Variants in PDGFD observed in about 807,000 individuals in gnomAD.
The protein encoded by PDGFD is platelet derived growth factor D.
In PDGFD, 30 loss-of-function variants were observed where a neutral mutation model predicts 44.7. The observed-to-expected ratio is 0.67, with a 90% confidence interval of 0.50 to 0.91. The LOEUF (loss-of-function observed/expected upper bound fraction) is 0.91, where lower values mean the gene tolerates loss of function less well. Among genes scored for constraint, PDGFD ranks in the 40% least tolerant of loss-of-function variants. The probability of loss-of-function intolerance (pLI) is 0.00; values close to 1 mark genes in which losing one functional copy is unlikely to be tolerated. For missense variants in PDGFD, 445 were observed against 457.8 expected, an observed-to-expected ratio of 0.97 and a Z score of 0.25; for synonymous variants, 173 against 168.4, an observed-to-expected ratio of 1.03 and a Z score of -0.21.
At chr11:103,926,850 G>A in intron 6 of PDGFD, 62 bp downstream of exon 6, 3 of 1,498,286 alleles carry the variant, frequency 2.0e-6, no homozygotes, top group Non-Finnish European at 2.7e-6. Flanking sequence ...TGTATGCAAT[G>A]GCCCTGTCTT....
chr11:103,925,549 G>A lies in PDGFD; in HGVS notation c.987+1363C>T, dbSNP rs576235173. On this transcript the variant is annotated intron_variant, in intron 6 of 6. Transcript: ENST00000393158. ...TCCTATTTAAATATGTGAAAACTGA[G>A]TCAAAACTTTAGTGACTTGCATGTG... Among the ~76,000 whole-genome samples the A allele has an allele frequency of 1.2e-4, 18 of 151,530 alleles. 1 individual carries two copies. The South Asian group carries it at 3.3e-3, about 28-fold the overall frequency.
At chr11:103,974,997 T>G (rs1220834667) in intron 3 of PDGFD, among the ~76,000 whole-genome samples, 4 of 152,226 alleles carry the variant, frequency 2.6e-5, no homozygotes, top group Non-Finnish European at 5.9e-5. Context: ...TTATAATTCT[T>G]TGGGTATATA....
chr11:103,993,334 C>T (rs1316777960), intron 3 of PDGFD, among the ~76,000 whole-genome samples: 1 of 151,782 alleles, frequency 6.6e-6, no homozygotes, highest in Non-Finnish European at 1.5e-5. Context: ...GCCTCGGCCT[C>T]CCAAAATGCT....
At chr11:104,108,453 C>T (rs1342697166) in intron 1 of PDGFD, among the ~76,000 whole-genome samples, 3 of 152,084 alleles carry the variant, frequency 2.0e-5, no homozygotes, top group African/African-American at 7.2e-5. Flanking sequence ...TGAAAAAATG[C>T]TCATCATCAC....
chr11:104,024,935 TATC>T (rs1046053884), intron 1 of PDGFD, among the ~76,000 whole-genome samples: 1 of 152,226 alleles, frequency 6.6e-6, no homozygotes, highest in African/African-American at 2.4e-5. Context: ...TTTAACTGAA[TATC>T]ATAAGTGATT....
chr11:104,151,495 T>C (rs933119688), intron 1 of PDGFD, among the ~76,000 whole-genome samples: 2 of 152,176 alleles, frequency 1.3e-5, no homozygotes, highest in East Asian at 1.9e-4. Context: ...GTGGAAAATA[T>C]GAGACTTCGT....
intron 3 of PDGFD, among the ~76,000 whole-genome samples, chr11:103,963,696 A>G (rs1214231969): frequency 6.6e-6 from 1 of 152,202 alleles, no homozygotes; most frequent in East Asian, 1.9e-4. Flanking sequence ...CTATATATCT[A>G]AAGTACTGTT....
chr11:104,129,219 T>C (rs75512216), intron 1 of PDGFD, among the ~76,000 whole-genome samples: 2 of 109,712 alleles, frequency 1.8e-5, no homozygotes, highest in African/African-American at 7.2e-5. Context: ...TGTCATCATC[T>C]TTTTTTTTTT....
intron 1 of PDGFD, among the ~76,000 whole-genome samples, chr11:104,028,547 G>T (rs1201516762): frequency 2.0e-5 from 3 of 150,406 alleles, no homozygotes; most frequent in African/African-American, 7.4e-5. Flanking sequence ...TATCAGAAAC[G>T]TCAACTACAG....
At chr11:104,136,583 A>AT (rs1181451881) in intron 1 of PDGFD, among the ~76,000 whole-genome samples, 3 of 152,170 alleles carry the variant, frequency 2.0e-5, no homozygotes, top group African/African-American at 7.2e-5. Flanking sequence ...TTTCTGCTTG[A>AT]TTTTTCTAAC....
chr11:103,953,988 G>A (rs1021096104), intron 3 of PDGFD, among the ~76,000 whole-genome samples: 2 of 151,872 alleles, frequency 1.3e-5, no homozygotes, highest in Admixed American at 6.6e-5. Context: ...GGCTCAATTT[G>A]AGAACAATTT....
At chr11:103,981,359 TA>T (rs1485212347) in intron 3 of PDGFD, among the ~76,000 whole-genome samples, 1 of 151,550 alleles carries the variant, frequency 6.6e-6, no homozygotes, top group Non-Finnish European at 1.5e-5. Flanking sequence ...CTGTAAGAAA[TA>T]AATTTCTTTT....
intron 1 of PDGFD, among the ~76,000 whole-genome samples, chr11:104,102,605 G>A (rs1437212610): frequency 6.6e-6 from 1 of 152,160 alleles, no homozygotes; most frequent in Non-Finnish European, 1.5e-5. Context: ...TATAAATCAT[G>A]CTGCTATAAA....
chr11:104,043,226 T>C (rs776638456), intron 1 of PDGFD, among the ~76,000 whole-genome samples: 1 of 152,172 alleles, frequency 6.6e-6, no homozygotes, highest in South Asian at 2.1e-4. Context: ...AAGGATCTAT[T>C]CACCAGAATT....
chr11:103,984,833 TATTAATTTATTTAATATATAATAC>T (rs1033771759), intron 3 of PDGFD, among the ~76,000 whole-genome samples: 10 of 143,320 alleles, frequency 7.0e-5, no homozygotes, highest in African/African-American at 2.0e-4. Context: ...ATATATAATA[TATTAATTTATTTAATATATAATAC>T]ATTAATTTAT....
chr11:103,994,456 A>G (rs1457555154), intron 3 of PDGFD, among the ~76,000 whole-genome samples: 1 of 152,192 alleles, frequency 6.6e-6, no homozygotes, highest in Non-Finnish European at 1.5e-5. Flanking sequence ...TTGATGGATT[A>G]TTTTCACATT....
chr11:104,158,400 T>C (rs2119927618), intron 1 of PDGFD, among the ~76,000 whole-genome samples: 1 of 152,344 alleles, frequency 6.6e-6, no homozygotes, highest in African/African-American at 2.4e-5. Flanking sequence ...TACAATACAA[T>C]GGAACTGACA....
At chr11:103,917,269 A>G (rs1339362865) in intron 6 of PDGFD, among the ~76,000 whole-genome samples, 1 of 152,226 alleles carries the variant, frequency 6.6e-6, no homozygotes, top group African/African-American at 2.4e-5. Flanking sequence ...TCTTAAATCA[A>G]TAAGTATATC....
chr11:103,966,528 T>C (rs1301829080), intron 3 of PDGFD, among the ~76,000 whole-genome samples: 1 of 152,174 alleles, frequency 6.6e-6, no homozygotes, highest in African/African-American at 2.4e-5. Context: ...CAAGAATCTC[T>C]GCTCTCAAGA....
Sources: gnomAD v4.1 joint callset for allele counts (sites outside exome capture counted in the v4.1 genomes callset) on GRCh38, gnomAD v4.1.1 for gene constraint, MANE v1.5 for transcripts, NCBI Gene and HGNC (gene_info 2026-07-23, HGNC 2026-07-21) for gene names.